KHDRBS2: variants seen among roughly 807,000 people sequenced by gnomAD.
KHDRBS2 encodes the protein KH domain-containing, RNA-binding, signal transduction-associated protein 2.
Under a neutral mutation model 44.3 loss-of-function variants are expected in KHDRBS2, and 26 were observed. The ratio of observed to expected loss-of-function variants is 0.59; its 90% confidence interval spans 0.43 to 0.81. KHDRBS2 has a LOEUF of 0.81. Ranked by LOEUF, KHDRBS2 falls within the 40% of genes least tolerant of loss-of-function variation. The probability of loss-of-function intolerance (pLI) is 0.00; values close to 1 mark genes in which losing one functional copy is unlikely to be tolerated. For missense variants in KHDRBS2, 476 were observed against 433.1 expected (o/e 1.10, Z -0.88); for synonymous variants, 194 against 151.1 (o/e 1.28, Z -2.08).
chr6:62,238,551 G>T (rs1438355686), intron 1 of KHDRBS2, among the ~76,000 whole-genome samples: 3 of 152,012 alleles, frequency 2.0e-5, no homozygotes, highest in Non-Finnish European at 2.9e-5. Context: ...CTTATTTACA[G>T]AAGAATTCAA....
intron 1 of KHDRBS2, among the ~76,000 whole-genome samples, chr6:62,240,670 GTGTATATATA>G (rs1396764653): frequency 8.0e-5 from 5 of 62,544 alleles, no homozygotes; most frequent in African/African-American, 1.6e-4. Context: ...GTATGTGTGT[GTGTATATATA>G]TATATATATA....
intron 4 of KHDRBS2, among the ~76,000 whole-genome samples, chr6:61,930,924 A>G (rs1212640443): frequency 1.3e-5 from 2 of 152,134 alleles, no homozygotes; most frequent in Non-Finnish European, 2.9e-5. Flanking sequence ...AGATTATTCA[A>G]ATTTAACAAC....
At chr6:61,550,766 C>CTTTTTTTTTTTTTTTTT in the KHDRBS2 span, among the ~76,000 whole-genome samples, 1 of 117,038 alleles carries the variant, frequency 8.5e-6, no homozygotes, top group Non-Finnish European at 1.6e-5. Context: ...GAGATGGTAT[C>CTTTTTTTTTTTTTTTTT]TTTTTTTTTT....
chr6:61,911,300 T>G (rs1433239630), intron 4 of KHDRBS2, among the ~76,000 whole-genome samples: 2 of 152,164 alleles, frequency 1.3e-5, no homozygotes, highest in East Asian at 3.9e-4. Context: ...ATGTAGTCAG[T>G]GCATTTCTGA....
the KHDRBS2 span, among the ~76,000 whole-genome samples, chr6:61,563,929 A>G: frequency 6.6e-6 from 1 of 152,116 alleles, no homozygotes; most frequent in Admixed American, 6.6e-5. Flanking sequence ...AACATGCAGC[A>G]ATAGAGGAAT....
chr6:61,816,772 T>C (rs1582988941), intron 6 of KHDRBS2: 1 of 372,226 alleles, frequency 2.7e-6, no homozygotes, highest in Non-Finnish European at 5.4e-6. Context: ...TAACTCACCA[T>C]ATTCATTCAA....
chr6:61,977,877 T>C (rs1030854771), intron 4 of KHDRBS2, among the ~76,000 whole-genome samples, 189 bp downstream of exon 4: 25 of 152,292 alleles, frequency 1.6e-4, no homozygotes, highest in African/African-American at 5.3e-4. Context: ...CATCACTATA[T>C]GGCAACACGC....
At chr6:61,832,839 G>A (rs1792045473) in intron 6 of KHDRBS2, among the ~76,000 whole-genome samples, 1 of 152,138 alleles carries the variant, frequency 6.6e-6, no homozygotes, top group East Asian at 1.9e-4. Context: ...TGGCTTGCGT[G>A]ATTGAACCAT....
intron 3 of KHDRBS2, among the ~76,000 whole-genome samples, chr6:61,995,959 C>T (rs1437919303): frequency 2.6e-5 from 4 of 152,116 alleles, no homozygotes; most frequent in African/African-American, 9.7e-5. Context: ...ATACATTTGT[C>T]TAGACTTCCA....
At chr6:61,571,782 T>G in the KHDRBS2 span, among the ~76,000 whole-genome samples, 2 of 151,848 alleles carry the variant, frequency 1.3e-5, no homozygotes, top group East Asian at 1.9e-4. Context: ...TACAAACACA[T>G]GCAAAACCTC....
chr6:61,674,460 T>G, the KHDRBS2 span, among the ~76,000 whole-genome samples: 3 of 151,732 alleles, frequency 2.0e-5, no homozygotes, highest in African/African-American at 7.2e-5. Context: ...TACTTCCTCT[T>G]CTGTAAAATG....
intron 2 of KHDRBS2, among the ~76,000 whole-genome samples, chr6:62,048,611 C>T (rs1788276153): frequency 1.3e-5 from 2 of 151,720 alleles, no homozygotes; most frequent in South Asian, 2.1e-4. Context: ...GATATGAGCA[C>T]ATAAAAGTTA....
At chr6:61,906,785 T>C (rs183790159) in intron 4 of KHDRBS2, among the ~76,000 whole-genome samples, 1 of 152,186 alleles carries the variant, frequency 6.6e-6, no homozygotes, top group African/African-American at 2.4e-5. Flanking sequence ...CATTTTCTTT[T>C]TTCATTCATC....
At chr6:61,556,080 T>G in the KHDRBS2 span, among the ~76,000 whole-genome samples, 1 of 152,144 alleles carries the variant, frequency 6.6e-6, no homozygotes, top group East Asian at 1.9e-4. Flanking sequence ...CCTGCATCCA[T>G]GTGGGCATTG....
At chr6:61,601,922 T>C in the KHDRBS2 span, among the ~76,000 whole-genome samples, 26 of 152,200 alleles carry the variant, frequency 1.7e-4, no homozygotes, top group East Asian at 3.3e-3. Context: ...GCTAAAGGCA[T>C]AGTCAAGGTT....
chr6:61,627,976 G>A, the KHDRBS2 span, among the ~76,000 whole-genome samples: 77 of 152,230 alleles, frequency 5.1e-4, 2 homozygotes, highest in South Asian at 0.016. Flanking sequence ...AGTGAGGGTA[G>A]TCTTGTGGGG....
intron 6 of KHDRBS2, among the ~76,000 whole-genome samples, chr6:61,892,082 T>A (rs1801945414): frequency 6.6e-6 from 1 of 152,072 alleles, no homozygotes; most frequent in South Asian, 2.1e-4. Flanking sequence ...TGTGCAAAAA[T>A]CACAAGCATT....
At chr6:61,880,314 T>C (rs920957308) in intron 6 of KHDRBS2, among the ~76,000 whole-genome samples, 7 of 151,924 alleles carry the variant, frequency 4.6e-5, no homozygotes, top group Admixed American at 1.3e-4. Context: ...TGGAGGAAAA[T>C]TGTTAATTTG....
At chr6:61,578,286 G>C in the KHDRBS2 span, among the ~76,000 whole-genome samples, 1 of 152,086 alleles carries the variant, frequency 6.6e-6, no homozygotes, top group Non-Finnish European at 1.5e-5. Context: ...TGTGGTATTA[G>C]GTGCTTATTT....
Sources: allele counts gnomAD v4.1 joint callset (sites outside exome capture counted in the v4.1 genomes callset), GRCh38; gene constraint gnomAD v4.1.1; transcripts MANE v1.5; gene names NCBI Gene and HGNC (gene_info 2026-07-23, HGNC 2026-07-21).